The following NFATC3 variants were observed in gnomAD, a reference collection of about 807,000 sequenced individuals.
The protein encoded by NFATC3 is nuclear factor of activated T-cells, cytoplasmic 3.
In NFATC3, 46 loss-of-function variants were observed where a neutral mutation model predicts 98.6. That is an observed-to-expected ratio of 0.47 (90% CI 0.37 to 0.60). The LOEUF (loss-of-function observed/expected upper bound fraction) is 0.60. Among genes scored for constraint, NFATC3 ranks in the 20% least tolerant of loss-of-function variants. NFATC3 has a pLI of 0.00. For synonymous variants in NFATC3, 512 were observed against 472.2 expected (o/e 1.08, Z -1.09); for missense variants, 1,256 against 1,295.5 (o/e 0.97, Z 0.47).
At chr16:68,151,955 G>T (rs2038346956) in intron 3 of NFATC3, among the ~76,000 whole-genome samples, 2 of 151,476 alleles carry the variant, frequency 1.3e-5, no homozygotes, top group African/African-American at 4.9e-5. Context: ...TGTAATCCCA[G>T]TTACTTGGAA....
rs941633519 is a variant in NFATC3, at chr16:68,208,307, G to T, written c.3106+16532G>T. Among the ~76,000 whole-genome samples, 12 of 152,208 alleles carry T rather than the reference G, an allele frequency of 7.9e-5. No individual in the cohort carries two copies. In the South Asian group the frequency reaches 1.0e-3, roughly 13 times the overall value. On this transcript the variant is annotated intron_variant, in intron 9 of 9. Coordinates refer to ENST00000346183, the MANE Select transcript of NFATC3 (RefSeq NM_173165.3). Reference sequence around the variant, plus strand: ...CCGCCTTAGCCTCCCAAAGTGCAGGGTTATAGGCATGAGCCACCATGCCCG... The same window carrying T: ...CCGCCTTAGCCTCCCAAAGTGCAGGTTTATAGGCATGAGCCACCATGCCCG...
At position 68,166,964 on chromosome 16, in the gene NFATC3, C is replaced by A; in HGVS notation, c.1723C>A (p.Pro575Thr). ...TGTGTTTCGTGTACACATCCCACAG[C>A]CCAGTGGAAAAGTCCTTTCTCTGCA... is the stretch of plus-strand genomic sequence containing the variant. ...RLVFRVHIPQ[P>T]SGKVLSLQIA... Residue 575 changes from proline to threonine, a missense_variant, in exon 5 of 10, where the codon CCC becomes ACC. Around this residue, in one of 3 missense-constraint regions of NFATC3, gnomAD observed 636 missense variants for 617.3 expected, o/e 1.03. Coordinates refer to ENST00000346183, the MANE Select transcript of NFATC3 (RefSeq NM_173165.3). 3 of 1,614,142 alleles carry A rather than the reference C, an allele frequency of 1.9e-6. No homozygotes were observed. Among genetic ancestry groups the A allele is most frequent in the Non-Finnish European group, 2.5e-6 (3 of 1,180,002 alleles).
chr16:68,143,313 C>A (rs1042778188), intron 3 of NFATC3, among the ~76,000 whole-genome samples: 1 of 150,826 alleles, frequency 6.6e-6, no homozygotes, highest in East Asian at 1.9e-4. Context: ...ACTTGAGATA[C>A]GTTACTTTTT....
In NFATC3 at chr16:68,085,564, G is replaced by C. The variant is rs533429861; in HGVS notation, c.-118G>C. On this transcript the variant is annotated 5_prime_UTR_variant, in exon 1 of 10. Coordinates refer to ENST00000346183, the MANE Select transcript of NFATC3 (RefSeq NM_173165.3). ...CCCCGCCCGGAAAGTTTGCCGTGGAGTCGCGACCTCTTGGCCCGCGCGGCC... is the reference window on the plus strand; with the variant it reads ...CCCCGCCCGGAAAGTTTGCCGTGGACTCGCGACCTCTTGGCCCGCGCGGCC... 141 of 861,834 alleles carry C rather than the reference G, an allele frequency of 1.6e-4. 1 individual carries two copies. The East Asian group carries it at 4.7e-3, about 29-fold the overall frequency. The allele number at this position is 861,834 out of a possible 1,614,324, so 53.4% of individuals were successfully genotyped here.
At chr16:68,105,887 CT>C (rs200560479) in intron 1 of NFATC3, among the ~76,000 whole-genome samples, 7 of 150,888 alleles carry the variant, frequency 4.6e-5, no homozygotes, top group East Asian at 1.9e-4. Flanking sequence ...TATTCTTCTT[CT>C]TTTTTTTTGA....
chr16:68,098,778 C>T (rs1347996435), intron 1 of NFATC3, among the ~76,000 whole-genome samples: 1 of 152,144 alleles, frequency 6.6e-6, no homozygotes, highest in African/African-American at 2.4e-5. Flanking sequence ...TTTATATTTT[C>T]CAAATAACTA....
intron 9 of NFATC3, chr16:68,225,725 C>G (rs1445298143): frequency 6.6e-6 from 1 of 152,198 alleles, no homozygotes; most frequent in African/African-American, 2.4e-5. Context: ...GATGTGAGAA[C>G]TAAAGGTTCT....
chr16:68,090,358 G>A (rs751868744), intron 1 of NFATC3, among the ~76,000 whole-genome samples: 14 of 137,052 alleles, frequency 1.0e-4, no homozygotes, highest in Non-Finnish European at 1.8e-4. Context: ...CACACGAATA[G>A]GCTAGTTTTT....
intron 6 of NFATC3, among the ~76,000 whole-genome samples, chr16:68,177,204 C>G (rs543147893): frequency 2.0e-5 from 3 of 151,830 alleles, no homozygotes; most frequent in African/African-American, 7.3e-5. Flanking sequence ...CCTGCCTCCA[C>G]GCCTGGCTAA....
intron 9 of NFATC3, chr16:68,192,226 A>ATATAT (rs1372509585): frequency 0.02 from 1,173 of 59,516 alleles, 33 homozygotes; most frequent in South Asian, 0.029. Flanking sequence ...AAAAAAAAAA[A>ATATAT]AAAAATATAT....
intron 9 of NFATC3, among the ~76,000 whole-genome samples, chr16:68,192,673 ACATGGCAGAACCC>A (rs1246793056): frequency 6.6e-6 from 1 of 152,132 alleles, no homozygotes; most frequent in Non-Finnish European, 1.5e-5. Flanking sequence ...AGCCTGAGCA[ACATGGCAGAACCC>A]CATGTCTACA....
At chr16:68,131,446 T>A (rs1269053615) in intron 3 of NFATC3, among the ~76,000 whole-genome samples, 2 of 152,008 alleles carry the variant, frequency 1.3e-5, no homozygotes, top group Admixed American at 6.6e-5. Context: ...CCTGGCTAAT[T>A]TTTTGTATTA....
chr16:68,211,269 C>A (rs1455917913), intron 9 of NFATC3, among the ~76,000 whole-genome samples: 1 of 152,102 alleles, frequency 6.6e-6, no homozygotes, highest in East Asian at 1.9e-4. Context: ...CTCACTGCAA[C>A]CTCCACCTCC....
chr16:68,182,152 G>A (rs1382450245), intron 7 of NFATC3, among the ~76,000 whole-genome samples: 3 of 152,196 alleles, frequency 2.0e-5, no homozygotes, highest in Non-Finnish European at 4.4e-5. Context: ...AAGAACATAT[G>A]TATAGGCCTT....
chr16:68,197,734 A>G (rs186433474), intron 9 of NFATC3, among the ~76,000 whole-genome samples: 125 of 152,362 alleles, frequency 8.2e-4, no homozygotes, highest in South Asian at 3.7e-3. Context: ...CTACAACCAC[A>G]GGACACGGTA....
At position 68,151,900 on chromosome 16, in the gene NFATC3, C is replaced by G. The variant is rs527805351; in HGVS notation, c.1402-5969C>G. ...CCTGGCTGACATGGTGAAACCCCGT[C>G]TCTACTAAAAATACAAAAGTTAGCT... is the stretch of plus-strand genomic sequence containing the variant. On this transcript the variant is annotated intron_variant, in intron 3 of 9. Transcript: ENST00000346183. Among the ~76,000 whole-genome samples the G allele has an allele frequency of 1.3e-3, 205 of 152,030 alleles. 1 individual carries two copies. Among genetic ancestry groups the G allele is most frequent in the Admixed American group, 2.6e-3 (40 of 15,256 alleles).
At chr16:68,099,808 T>G (rs2035244364) in intron 1 of NFATC3, among the ~76,000 whole-genome samples, 1 of 151,946 alleles carries the variant, frequency 6.6e-6, no homozygotes, top group Admixed American at 6.6e-5. Flanking sequence ...GGGACTTTTT[T>G]GGGGGAGGGC....
chr16:68,121,979 C>A lies in NFATC3; in HGVS notation c.104-8C>A. 1 of 1,532,096 alleles carries A rather than the reference C, an allele frequency of 6.5e-7. No individual in the cohort carries two copies. Among genetic ancestry groups the A allele is most frequent in the Admixed American group, 2.1e-5 (1 of 47,134 alleles). The allele number at this position is 1,532,096 out of a possible 1,614,324, so 94.9% of individuals were successfully genotyped here. The stretch of plus-strand genomic sequence containing the variant: ...TGGGTTTTTTTTTTTTTGCCTTCCT[C>A]CCCGTAGATCTTGAGCCAGATGATT... On this transcript the variant is annotated splice_polypyrimidine_tract_variant and splice_region_variant and intron_variant, in intron 1 of 9. Coordinates refer to ENST00000346183, the MANE Select transcript of NFATC3 (RefSeq NM_173165.3).
At chr16:68,184,506 G>A (rs894129683) in intron 8 of NFATC3, among the ~76,000 whole-genome samples, 14 of 152,216 alleles carry the variant, frequency 9.2e-5, no homozygotes, top group African/African-American at 3.1e-4. Flanking sequence ...GAGAATGTTT[G>A]AAATAGTTTC....
Sources: gnomAD v4.1 joint callset for allele counts (sites outside exome capture counted in the v4.1 genomes callset) on GRCh38, gnomAD v4.1.1 for gene constraint, gnomAD v4.1.1 regional missense constraint, MANE v1.5 for transcripts, NCBI Gene and HGNC (gene_info 2026-07-23, HGNC 2026-07-21) for gene names.